The following ZRANB3 variants were observed in gnomAD, a reference collection of about 807,000 sequenced individuals.
ZRANB3 encodes the protein zinc finger RANBP2-type containing 3.
ZRANB3 carries 125 observed loss-of-function variants against 133.8 expected under a neutral mutation model. That is an observed-to-expected ratio of 0.93 (90% CI 0.81 to 1.08). The LOEUF is 1.08. Among genes scored for constraint, ZRANB3 ranks in the 50% least tolerant of loss-of-function variants. The probability of loss-of-function intolerance (pLI) is 0.00; values close to 1 mark genes in which losing one functional copy is unlikely to be tolerated. For synonymous variants in ZRANB3, 387 were observed against 432.7 expected (o/e 0.89, Z 1.31); for missense variants, 1,229 against 1,275.5 (o/e 0.96, Z 0.56).
intron 1 of ZRANB3, among the ~76,000 whole-genome samples, chr2:135,508,300 G>A (rs1384134508): frequency 6.6e-6 from 1 of 152,034 alleles, no homozygotes; most frequent in African/African-American, 2.4e-5. Flanking sequence ...ACCATGTCAG[G>A]CTAATTTTTT....
intron 8 of ZRANB3, among the ~76,000 whole-genome samples, chr2:135,297,319 T>C (rs1682178937): frequency 6.6e-6 from 1 of 152,200 alleles, no homozygotes; most frequent in African/African-American, 2.4e-5. Flanking sequence ...TGCAGTTTGA[T>C]CTCAGACTGC....
intron 19 of ZRANB3, among the ~76,000 whole-genome samples, chr2:135,203,464 A>T (rs1480840692): frequency 1.3e-5 from 2 of 151,940 alleles, no homozygotes; most frequent in African/African-American, 4.8e-5. Context: ...CTAAAAATAC[A>T]AAAAATTAGC....
Position 135,454,350 on chromosome 2 carries a change from C to T in ZRANB3, c.161+49979G>A, listed in dbSNP as rs539085866. Among the ~76,000 whole-genome samples, 3 of 152,262 alleles carry T rather than the reference C, an allele frequency of 2.0e-5. No homozygotes were observed. In the South Asian group the frequency reaches 6.2e-4, roughly 32 times the overall value. Reference sequence around the variant, plus strand: ...TTCATATTATATAAAAACATTGTTTCGGAGCCTTTCACAAATAGTGACCAG... The same window carrying T: ...TTCATATTATATAAAAACATTGTTTTGGAGCCTTTCACAAATAGTGACCAG... On this transcript the variant is annotated intron_variant, in intron 2 of 20. Transcript: ENST00000264159.
chr2:135,467,087 T>C (rs1691032569), intron 2 of ZRANB3, among the ~76,000 whole-genome samples: 1 of 152,228 alleles, frequency 6.6e-6, no homozygotes. Context: ...AGATGAGCTG[T>C]AGGAACTATG....
At chr2:135,356,177 A>T (rs962678062) in intron 3 of ZRANB3, among the ~76,000 whole-genome samples, 10 of 152,032 alleles carry the variant, frequency 6.6e-5, no homozygotes, top group Non-Finnish European at 1.3e-4. Flanking sequence ...AAAAAAAAAA[A>T]TTTCAGTTAG....
chr2:135,510,505 G>T, intron 1 of ZRANB3: 1 of 579,276 alleles, frequency 1.7e-6, no homozygotes, highest in African/African-American at 1.9e-5. Context: ...CCATTCTGTA[G>T]GAGCTAGGGT....
At chr2:135,234,419 G>A (rs1369078291) in intron 12 of ZRANB3, among the ~76,000 whole-genome samples, 1 of 152,112 alleles carries the variant, frequency 6.6e-6, no homozygotes, top group East Asian at 1.9e-4. Context: ...TCCAGGAACT[G>A]AACCCAGCTC....
chr2:135,428,368 G>C lies in ZRANB3; in HGVS notation c.162-37548C>G, dbSNP rs548820863. On this transcript the variant is annotated intron_variant, in intron 2 of 20. Coordinates refer to ENST00000264159, the MANE Select transcript of ZRANB3 (RefSeq NM_032143.4). ...TGAGGCAGGAGAATCACTTGAACCT[G>C]GGAGCCAAGATCGCGTCATTACACT... Among the ~76,000 whole-genome samples the C allele has an allele frequency of 6.7e-5, 10 of 150,286 alleles. No individual in the cohort carries two copies. In the East Asian group the frequency reaches 1.8e-3, roughly 26 times the overall value.
At chr2:135,451,983 G>A (rs1690292685) in intron 2 of ZRANB3, among the ~76,000 whole-genome samples, 1 of 152,110 alleles carries the variant, frequency 6.6e-6, no homozygotes, top group African/African-American at 2.4e-5. Flanking sequence ...GAAACAGAAG[G>A]GGGAGAGAAG....
At chr2:135,236,454 G>A (rs1325919640) in intron 12 of ZRANB3, among the ~76,000 whole-genome samples, 4 of 151,876 alleles carry the variant, frequency 2.6e-5, no homozygotes, top group Non-Finnish European at 2.9e-5. Flanking sequence ...AGTTCATATG[G>A]AACCAAAAAA....
intron 2 of ZRANB3, among the ~76,000 whole-genome samples, chr2:135,440,828 A>T (rs900861961): frequency 1.2e-4 from 18 of 152,354 alleles, no homozygotes; most frequent in African/African-American, 4.3e-4. Context: ...AGTTTGTGGT[A>T]ATTTGTATGC....
intron 12 of ZRANB3, among the ~76,000 whole-genome samples, 192 bp downstream of exon 12, chr2:135,265,342 G>A (rs1468856521): frequency 2.0e-5 from 3 of 151,976 alleles, no homozygotes; most frequent in East Asian, 1.9e-4. Context: ...GTTTATCCGA[G>A]GAGCTGAACA....
intron 3 of ZRANB3, among the ~76,000 whole-genome samples, chr2:135,389,876 C>CTTTTT (rs1165827390): frequency 3.5e-4 from 36 of 102,316 alleles, no homozygotes; most frequent in East Asian, 6.1e-4. Context: ...TGCTGTTATT[C>CTTTTT]TTTTTTTTTT....
intron 2 of ZRANB3, among the ~76,000 whole-genome samples, chr2:135,447,104 G>A (rs371499251): frequency 7.0e-4 from 106 of 152,112 alleles, no homozygotes; most frequent in African/African-American, 2.4e-3. Flanking sequence ...GAGTGCAGTG[G>A]CACAATCTCA....
intron 1 of ZRANB3, among the ~76,000 whole-genome samples, chr2:135,528,360 C>G (rs952812000): frequency 2.0e-5 from 3 of 152,074 alleles, no homozygotes; most frequent in African/African-American, 7.2e-5. Flanking sequence ...GTTGCCCAGG[C>G]TGGTCTAGAA....
chr2:135,465,470 C>T (rs911871968), intron 2 of ZRANB3, among the ~76,000 whole-genome samples: 7 of 152,124 alleles, frequency 4.6e-5, no homozygotes, highest in South Asian at 4.1e-4. Flanking sequence ...CCTATGATAA[C>T]GAAATGAAAT....
chr2:135,409,433 C>G (rs935285406), intron 2 of ZRANB3, among the ~76,000 whole-genome samples: 1 of 150,898 alleles, frequency 6.6e-6, no homozygotes, highest in Admixed American at 6.7e-5. Flanking sequence ...TAAAATCCAA[C>G]ATCGCTTTAT....
chr2:135,524,401 A>C (rs936786178), intron 1 of ZRANB3, among the ~76,000 whole-genome samples: 1 of 152,172 alleles, frequency 6.6e-6, no homozygotes, highest in African/African-American at 2.4e-5. Context: ...CTATAATAGA[A>C]ATATGTTTTA....
rs1161215220 is a variant in ZRANB3 at position 135,531,199 on chromosome 2, A to C, written c.-80T>G. 1 of 152,248 alleles carries C rather than the reference A, an allele frequency of 6.6e-6. No homozygotes were observed. The highest frequency in any genetic ancestry group is 1.5e-5 in the Non-Finnish European group (1 of 68,102). 9.4% of individuals were successfully genotyped at this position (152,248 alleles called of 1,614,324 possible). On this transcript the variant is annotated 5_prime_UTR_variant, in exon 1 of 21. Transcript: ENST00000264159. The stretch of plus-strand genomic sequence containing the variant: ...CGTGGGAAAAGGTAGCTCTTTTACA[A>C]GTGGGCAAAATGGCTGTCCTCCTAG...
Sources: allele counts gnomAD v4.1 joint callset (sites outside exome capture counted in the v4.1 genomes callset), GRCh38; gene constraint gnomAD v4.1.1; transcripts MANE v1.5; gene names NCBI Gene and HGNC (gene_info 2026-07-23, HGNC 2026-07-21).